Variants in BRAP observed in about 807,000 individuals in gnomAD.
The protein encoded by BRAP is BRCA1 associated protein.
BRAP carries 42 observed loss-of-function variants against 73.4 expected under a neutral mutation model. The observed-to-expected ratio is 0.57, with a 90% CI of 0.45 to 0.74. The LOEUF (loss-of-function observed/expected upper bound fraction) is 0.74. BRAP is among the 30% of genes least tolerant of loss of function. The pLI, the probability that BRAP is intolerant of heterozygous loss-of-function variation, is 0.00. For missense variants in BRAP, 593 were observed against 751.4 expected (o/e 0.79, Z 2.46); for synonymous variants, 255 against 267.4 (o/e 0.95, Z 0.45).
chr12:111,644,545 G>A lies in BRAP; in HGVS notation c.1433C>T (p.Thr478Ile). 1 of 1,612,496 alleles carries A rather than the reference G, an allele frequency of 6.2e-7. No homozygotes were observed. Residue 478 changes from threonine to isoleucine, a missense_variant, in exon 12 of 12, where the codon ACA (threonine) becomes ATA (isoleucine). Physicochemically the swap from Thr to Ile is moderately conservative, Grantham distance 89. Around this residue, in one of 4 missense-constraint regions of BRAP, gnomAD observed 143 missense variants for 190.4 expected, o/e 0.75. Coordinates refer to ENST00000419234, the MANE Select transcript of BRAP (RefSeq NM_006768.5). ...SVERKCTQLN[T>I]KVAKLTNELK... ...CTCGTTGGTGAGTTTGGCCACTTTT[G>A]TGTTTAGCTGAGTGCACCTTTTGAA...
Position 111,662,242 on chromosome 12 carries a change from A to G in BRAP, c.897-1567T>C, listed in dbSNP as rs574565609. 5.3e-5 allele frequency among the ~76,000 whole-genome samples: 8 copies of G among 152,264 alleles called. No homozygotes were observed. In the South Asian group the frequency reaches 8.3e-4, roughly 16 times the overall value. ...GAGGCTGACTGAACTGGCACCAGGA[A>G]GAAACAATGCTCAAGATATAACTAG... On this transcript the variant is annotated intron_variant, in intron 6 of 11. Transcript: ENST00000419234.
intron 5 of BRAP, among the ~76,000 whole-genome samples, chr12:111,666,457 T>TA (rs1190842008): frequency 1.3e-5 from 2 of 152,164 alleles, no homozygotes; most frequent in Non-Finnish European, 2.9e-5. Context: ...ATTGTACAGA[T>TA]AGAGATTGAG....
chr12:111,655,347 A>G (rs1394349087), intron 10 of BRAP, among the ~76,000 whole-genome samples: 2 of 151,954 alleles, frequency 1.3e-5, no homozygotes, highest in East Asian at 1.9e-4. Flanking sequence ...AAAAAAAAAA[A>G]AAAAGCAAAC....
chr12:111,679,145 T>C lies in BRAP; in HGVS notation c.633+6A>G. ...AGAGATTTTTAATAAATTTAATAAC[T>C]TTTACCTGTGCACGAAACTTTATCA... On this transcript the variant is annotated splice_donor_region_variant and intron_variant, in intron 4 of 11. Transcript: ENST00000419234. The C allele has an allele frequency of 6.6e-7, 1 of 1,517,406 alleles. No homozygotes were observed. The highest frequency in any genetic ancestry group is 8.9e-7 in the Non-Finnish European group (1 of 1,123,912). 94.0% of individuals were successfully genotyped at this position (1,517,406 alleles called of 1,614,324 possible).
At chr12:111,661,865 C>T (rs1886767891) in intron 6 of BRAP, among the ~76,000 whole-genome samples, 1 of 152,026 alleles carries the variant, frequency 6.6e-6, no homozygotes, top group African/African-American at 2.4e-5. Context: ...GCATGCACCC[C>T]CATGCCCAGC....
chr12:111,648,277 C>T (rs370463763), intron 11 of BRAP, among the ~76,000 whole-genome samples: 14 of 145,078 alleles, frequency 9.6e-5, no homozygotes, highest in African/African-American at 3.1e-4. Context: ...CAGCCTATTG[C>T]GCCACTGCAC....
intron 5 of BRAP, among the ~76,000 whole-genome samples, chr12:111,672,188 C>T (rs1887204123): frequency 6.6e-6 from 1 of 152,126 alleles, no homozygotes; most frequent in Non-Finnish European, 1.5e-5. Context: ...CTAGGTGACA[C>T]AGCGAGACCC....
intron 4 of BRAP, among the ~76,000 whole-genome samples, chr12:111,676,445 G>A (rs1178135499): frequency 2.0e-5 from 3 of 151,654 alleles, no homozygotes; most frequent in South Asian, 4.2e-4. Flanking sequence ...ACAGAGTCTC[G>A]CTCTGTTGCC....
At chr12:111,681,133 G>A (rs893311618) in intron 3 of BRAP, among the ~76,000 whole-genome samples, 1 of 152,128 alleles carries the variant, frequency 6.6e-6, no homozygotes, top group Non-Finnish European at 1.5e-5. Context: ...ACTTTGGGAG[G>A]CTGAGGCGGG....
intron 6 of BRAP, among the ~76,000 whole-genome samples, chr12:111,661,726 T>TTG (rs1886763039): frequency 6.6e-6 from 1 of 151,670 alleles, no homozygotes; most frequent in Non-Finnish European, 1.5e-5. Context: ...TTTTTTTTTT[T>TTG]TGTGAGACAG....
At position 111,644,442 on chromosome 12, in the gene BRAP, C is replaced by T; in HGVS notation, c.1536G>A (p.Glu512=). ...GGTCACAGGTCTCCTTCAGCACCCTCTCCTCCTCTTTTAGCTTGTTCTGCA... is the reference window on the plus strand; with the variant it reads ...GGTCACAGGTCTCCTTCAGCACCCTTTCCTCCTCTTTTAGCTTGTTCTGCA... ...VLLQNKLKEE[E]RVLKETCDQK... is the part of the protein sequence containing the mutation. The change falls in exon 12 of 12, where the codon GAG becomes GAA. Residue 512 remains glutamate (E), a synonymous_variant. Coordinates refer to ENST00000419234, the MANE Select transcript of BRAP (RefSeq NM_006768.5). The T allele has an allele frequency of 6.2e-7, 1 of 1,614,158 alleles. No individual in the cohort carries two copies. Among genetic ancestry groups the T allele is most frequent in the South Asian group, 1.1e-5 (1 of 91,070 alleles).
At chr12:111,657,318 A>G (rs1886574196) in intron 9 of BRAP, among the ~76,000 whole-genome samples, 1 of 152,248 alleles carries the variant, frequency 6.6e-6, no homozygotes, top group South Asian at 2.1e-4. Context: ...TGCTAGGATT[A>G]CAGGCATGAG....
chr12:111,663,370 T>C (rs1886822939), intron 6 of BRAP, among the ~76,000 whole-genome samples: 1 of 152,152 alleles, frequency 6.6e-6, no homozygotes, highest in East Asian at 1.9e-4. Flanking sequence ...CGAGGACTGC[T>C]TGAACCCGGG....
chr12:111,660,503 T>A, intron 7 of BRAP, 97 bp downstream of exon 7: 1 of 1,063,242 alleles, frequency 9.4e-7, no homozygotes, highest in Non-Finnish European at 1.3e-6. Flanking sequence ...AAATAAAAAA[T>A]AAATTAAAAA....
chr12:111,679,617 C>T (rs570581789), intron 3 of BRAP, among the ~76,000 whole-genome samples: 4 of 151,876 alleles, frequency 2.6e-5, no homozygotes, highest in African/African-American at 7.2e-5. Flanking sequence ...AGCTCATGCT[C>T]GTAATCCCAG....
intron 1 of BRAP, among the ~76,000 whole-genome samples, chr12:111,683,833 C>T (rs377440839): frequency 2.0e-5 from 3 of 152,126 alleles, no homozygotes; most frequent in Non-Finnish European, 2.9e-5. Context: ...TGAGCCACTG[C>T]GCCTGGCCCA....
chr12:111,665,647 G>A lies in BRAP; in HGVS notation c.888C>T (p.Asp296=), dbSNP rs761307754. The part of the protein sequence containing the change: ...SFHSQCLQRW[D]DTTCPVCRYC... ...TCGGCCCCTGCACTCACGTGGTATCGTCCCAGCGCTGTAGACACTGGCTGT... is the reference window on the plus strand; with the variant it reads ...TCGGCCCCTGCACTCACGTGGTATCATCCCAGCGCTGTAGACACTGGCTGT... The change falls in exon 6 of 12, where the codon GAC becomes GAT. Residue 296 remains aspartate (D), a synonymous_variant. Coordinates refer to ENST00000419234, the MANE Select transcript of BRAP (RefSeq NM_006768.5). The surrounding 1 kb of genome is among the most constrained non-coding windows in gnomAD (Gnocchi z 4.3). The A allele has an allele frequency of 1.1e-5, 17 of 1,613,966 alleles. No individual in the cohort carries two copies. Among genetic ancestry groups the A allele is most frequent in the Admixed American group, 5.0e-5 (3 of 59,990 alleles).
intron 10 of BRAP, among the ~76,000 whole-genome samples, chr12:111,653,402 T>C (rs1886398680): frequency 6.6e-6 from 1 of 152,190 alleles, no homozygotes; most frequent in Non-Finnish European, 1.5e-5. Flanking sequence ...CTGATTAAAA[T>C]GGAGCTAGAC....
intron 11 of BRAP, among the ~76,000 whole-genome samples, chr12:111,646,396 A>AT (rs1886113813): frequency 6.6e-6 from 1 of 152,248 alleles, no homozygotes; most frequent in Admixed American, 6.5e-5. Context: ...GAGCTGAGAC[A>AT]TGAGAAAAGA....
Sources: allele counts gnomAD v4.1 joint callset (sites outside exome capture counted in the v4.1 genomes callset), GRCh38; gene constraint gnomAD v4.1.1; regional missense constraint gnomAD v4.1.1; non-coding constraint Gnocchi (gnomAD v3.1); transcripts MANE v1.5; gene names NCBI Gene and HGNC (gene_info 2026-07-23, HGNC 2026-07-21).